Variants in GRID2 observed in about 807,000 individuals in gnomAD.
The protein encoded by GRID2 is glutamate ionotropic receptor delta type subunit 2.
Under a neutral mutation model 114.8 loss-of-function variants are expected in GRID2, and 33 were observed. That is an observed-to-expected ratio of 0.29 (90% CI 0.22 to 0.38). GRID2 has a LOEUF of 0.38. GRID2 is among the 10% of genes least tolerant of loss of function. GRID2 has a pLI of 1.00. For missense variants in GRID2, 1,184 were observed against 1,257.7 expected (o/e 0.94, Z 0.89); for synonymous variants, 505 against 449.9 (o/e 1.12, Z -1.55).
chr4:93,267,979 G>A (rs1352098835), intron 8 of GRID2, among the ~76,000 whole-genome samples: 5 of 152,144 alleles, frequency 3.3e-5, no homozygotes, highest in Admixed American at 2.0e-4. Flanking sequence ...GCTCCCCTGC[G>A]GCCTGGATTG....
At chr4:92,798,730 C>T (rs1164525203) in intron 2 of GRID2, among the ~76,000 whole-genome samples, 5 of 151,942 alleles carry the variant, frequency 3.3e-5, no homozygotes, top group African/African-American at 1.2e-4. Context: ...TAATAAGTAC[C>T]TGAAATTACT....
chr4:93,061,549 T>C (rs1228462522), intron 2 of GRID2, among the ~76,000 whole-genome samples: 1 of 152,144 alleles, frequency 6.6e-6, no homozygotes, highest in East Asian at 1.9e-4. Context: ...CGTACAATTC[T>C]ATGAAAGAAG....
intron 8 of GRID2, among the ~76,000 whole-genome samples, chr4:93,305,536 T>C (rs910668425): frequency 6.6e-6 from 1 of 152,070 alleles, no homozygotes; most frequent in Non-Finnish European, 1.5e-5. Context: ...AGAGGTTTAA[T>C]TGAAGAATAT....
chr4:92,670,704 C>A (rs769485362), intron 2 of GRID2, among the ~76,000 whole-genome samples: 1 of 151,982 alleles, frequency 6.6e-6, no homozygotes, highest in Non-Finnish European at 1.5e-5. Flanking sequence ...AGGAAAAGTT[C>A]TAAATGCTTT....
intron 2 of GRID2, among the ~76,000 whole-genome samples, chr4:93,025,554 A>G (rs1300046764): frequency 6.6e-6 from 1 of 151,834 alleles, no homozygotes; most frequent in Admixed American, 6.6e-5. Context: ...GCCAGGCAAT[A>G]TGAGAGAATT....
intron 8 of GRID2, among the ~76,000 whole-genome samples, chr4:93,332,207 A>G (rs771100051): frequency 1.3e-4 from 20 of 151,760 alleles, no homozygotes; most frequent in Non-Finnish European, 2.5e-4. Context: ...AAGAAAGACA[A>G]TTAGGCCCAC....
chr4:92,546,435 A>G (rs559438991), intron 1 of GRID2, among the ~76,000 whole-genome samples: 2 of 152,322 alleles, frequency 1.3e-5, no homozygotes, highest in Non-Finnish European at 2.9e-5. Flanking sequence ...GAAAGCTAGC[A>G]CTATGACATT....
At chr4:92,476,502 T>C (rs1722320925) in intron 1 of GRID2, among the ~76,000 whole-genome samples, 2 of 152,190 alleles carry the variant, frequency 1.3e-5, no homozygotes, top group East Asian at 1.9e-4. Flanking sequence ...GATATTAAAA[T>C]TGAATGATGG....
intron 2 of GRID2, among the ~76,000 whole-genome samples, chr4:92,784,972 CATT>C (rs1324092645): frequency 6.6e-6 from 1 of 151,236 alleles, no homozygotes; most frequent in African/African-American, 2.4e-5. Context: ...CACTATTAAA[CATT>C]ATATCATAAA....
chr4:93,620,153 A>C (rs1254885826), intron 13 of GRID2, among the ~76,000 whole-genome samples: 1 of 152,224 alleles, frequency 6.6e-6, no homozygotes, highest in Non-Finnish European at 1.5e-5. Context: ...CATTTTTAGC[A>C]GTTGAAACAT....
chr4:92,312,316 G>A (rs752140092), intron 1 of GRID2, among the ~76,000 whole-genome samples: 11 of 152,058 alleles, frequency 7.2e-5, no homozygotes, highest in African/African-American at 2.7e-4. Context: ...GAAATAGTTT[G>A]TATTTTAGAA....
chr4:93,128,831 G>A (rs1434988134), intron 4 of GRID2, among the ~76,000 whole-genome samples: 1 of 152,144 alleles, frequency 6.6e-6, no homozygotes, highest in African/African-American at 2.4e-5. Context: ...CAAATTTTCA[G>A]CAGAAATGAA....
intron 1 of GRID2, among the ~76,000 whole-genome samples, chr4:92,484,250 G>A (rs1490374923): frequency 6.6e-6 from 1 of 152,122 alleles, no homozygotes; most frequent in Non-Finnish European, 1.5e-5. Flanking sequence ...GTTGGTTATT[G>A]AAAGATCACT....
intron 2 of GRID2, among the ~76,000 whole-genome samples, chr4:92,698,844 G>A (rs990280874): frequency 2.0e-5 from 3 of 151,980 alleles, no homozygotes; most frequent in Non-Finnish European, 4.4e-5. Flanking sequence ...AAGACAAAAA[G>A]TGAATATTGT....
chr4:92,620,083 G>A (rs77762324), intron 2 of GRID2, among the ~76,000 whole-genome samples: 1 of 151,726 alleles, frequency 6.6e-6, no homozygotes, highest in Non-Finnish European at 1.5e-5. Flanking sequence ...CAATAGTGTG[G>A]TTAGTCTGGA....
chr4:92,553,769 G>T (rs532220504), intron 1 of GRID2, among the ~76,000 whole-genome samples: 2 of 151,992 alleles, frequency 1.3e-5, no homozygotes, highest in African/African-American at 4.8e-5. Context: ...TCCTGCCTCA[G>T]CCTCCCAAGT....
At chr4:92,631,046 C>T (rs1403601093) in intron 2 of GRID2, among the ~76,000 whole-genome samples, 1 of 151,330 alleles carries the variant, frequency 6.6e-6, no homozygotes, top group Admixed American at 6.6e-5. Flanking sequence ...AGAGATCTAT[C>T]TCTCTGTTCT....
intron 2 of GRID2, among the ~76,000 whole-genome samples, chr4:92,954,286 C>G (rs890019265): frequency 2.0e-5 from 3 of 152,006 alleles, no homozygotes; most frequent in Admixed American, 6.6e-5. Context: ...CAAATATGCA[C>G]ACATCAACTT....
At position 92,589,837 on chromosome 4, in the gene GRID2, T is replaced by A. The variant is rs962918116; in HGVS notation, c.89-294T>A. Among the ~76,000 whole-genome samples the A allele has an allele frequency of 2.0e-5, 3 of 152,200 alleles. No individual in the cohort carries two copies. The East Asian group carries it at 5.8e-4, about 29-fold the overall frequency. On this transcript the variant is annotated intron_variant, in intron 1 of 15. Coordinates refer to ENST00000282020, the MANE Select transcript of GRID2 (RefSeq NM_001510.4). ...AAATTTCATGATATAAGATATCCAA[T>A]GTATTGGATACTTTGTCATGTAGAA...
Sources: allele counts gnomAD v4.1 joint callset (sites outside exome capture counted in the v4.1 genomes callset), GRCh38; gene constraint gnomAD v4.1.1; transcripts MANE v1.5; gene names NCBI Gene and HGNC (gene_info 2026-07-23, HGNC 2026-07-21).